Variants in RAF1 observed in about 807,000 individuals in gnomAD.
The protein encoded by RAF1 is RAF proto-oncogene serine/threonine-protein kinase.
Under a neutral mutation model 81.1 loss-of-function variants are expected in RAF1, and 27 were observed. That is an observed-to-expected ratio of 0.33 (90% confidence interval 0.25 to 0.46). RAF1 has a LOEUF of 0.46. RAF1 is among the 20% of genes least tolerant of loss of function. The probability of loss-of-function intolerance (pLI) is 1.00; values close to 1 mark genes in which losing one functional copy is unlikely to be tolerated. For synonymous variants in RAF1, 298 were observed against 294.0 expected, an observed-to-expected ratio of 1.01 and a Z score of -0.14; for missense variants, 598 against 826.0, an observed-to-expected ratio of 0.72 and a Z score of 3.38.
chr3:12,656,332 G>C (rs2060693436), intron 1 of RAF1, among the ~76,000 whole-genome samples: 1 of 152,070 alleles, frequency 6.6e-6, no homozygotes, highest in South Asian at 2.1e-4. Flanking sequence ...GAGCTGAAGA[G>C]TCAGTGTCCT....
At chr3:12,590,706 T>C in intron 13 of RAF1, 92 bp downstream of exon 12, 2 of 1,384,054 alleles carry the variant, frequency 1.4e-6, no homozygotes, top group Non-Finnish European at 2.0e-6. Flanking sequence ...CAGAATCGCT[T>C]AATGGACTAG....
intron 13 of RAF1, 186 bp downstream of exon 12, chr3:12,590,612 C>CA: frequency 1.5e-6 from 1 of 681,304 alleles, no homozygotes; most frequent in Non-Finnish European, 2.5e-6. Flanking sequence ...AGGTGTGAGC[C>CA]ACCCCACCCA....
intron 1 of RAF1, among the ~76,000 whole-genome samples, chr3:12,648,001 TTC>T (rs141785823): frequency 0.019 from 2,844 of 152,260 alleles, 87 homozygotes; most frequent in African/African-American, 0.065. Context: ...AACAAATCAG[TTC>T]CACAAATGAT....
chr3:12,597,340 AC>A (rs879756912), intron 11 of RAF1, among the ~76,000 whole-genome samples: 25 of 152,240 alleles, frequency 1.6e-4, no homozygotes, highest in Non-Finnish European at 3.2e-4. Flanking sequence ...AGTACCACGT[AC>A]CAATGCCTTG....
At chr3:12,653,239 G>A (rs1267427226) in intron 1 of RAF1, among the ~76,000 whole-genome samples, 1 of 152,044 alleles carries the variant, frequency 6.6e-6, no homozygotes, top group Admixed American at 6.6e-5. Flanking sequence ...CTGAGATCTT[G>A]CTACTGCACT....
intron 1 of RAF1, among the ~76,000 whole-genome samples, chr3:12,646,832 AG>A (rs1285136880): frequency 6.6e-6 from 1 of 151,724 alleles, no homozygotes; most frequent in Non-Finnish European, 1.5e-5. Context: ...TACAGGTGTG[AG>A]CCACCACGCC....
At chr3:12,641,043 A>G (rs1273727098) in intron 1 of RAF1, among the ~76,000 whole-genome samples, 1 of 152,028 alleles carries the variant, frequency 6.6e-6, no homozygotes, top group Non-Finnish European at 1.5e-5. Context: ...ATAAAAAAGG[A>G]TGAGTTCGTG....
chr3:12,630,247 T>C (rs1182468939), intron 1 of RAF1, among the ~76,000 whole-genome samples: 1 of 152,206 alleles, frequency 6.6e-6, no homozygotes, highest in Non-Finnish European at 1.5e-5. Context: ...CTCCACCTTT[T>C]ATTAGCTGTA....
At chr3:12,589,617 T>A (rs1293617405) in intron 13 of RAF1, 1 of 151,982 alleles carries the variant, frequency 6.6e-6, no homozygotes, top group Non-Finnish European at 1.5e-5. Context: ...ACACGAAAAT[T>A]AGCTGGGCAC....
At chr3:12,600,085 TCTAA>T in intron 10 of RAF1, 63 bp downstream of exon 9, 1 of 1,598,474 alleles carries the variant, frequency 6.3e-7, no homozygotes. Flanking sequence ...GTTTAAGTAT[TCTAA>T]TTTCCAACGA....
At chr3:12,635,830 A>G (rs113558012) in intron 1 of RAF1, among the ~76,000 whole-genome samples, 1,573 of 151,018 alleles carry the variant, frequency 0.01, 21 homozygotes, top group African/African-American at 0.036. Context: ...AAAATTAGCC[A>G]GGCGTGGTGG....
At chr3:12,656,004 T>C (rs2060678794) in intron 1 of RAF1, among the ~76,000 whole-genome samples, 1 of 151,140 alleles carries the variant, frequency 6.6e-6, no homozygotes, top group African/African-American at 2.4e-5. Flanking sequence ...GTGGCGATGG[T>C]TTTAAGACAT....
intron 1 of RAF1, among the ~76,000 whole-genome samples, chr3:12,631,387 A>T (rs2059854742): frequency 1.3e-5 from 2 of 152,178 alleles, no homozygotes; most frequent in Admixed American, 6.5e-5. Context: ...TCAAGAGGTC[A>T]GGAGATCAAG....
chr3:12,640,383 T>C (rs2060148704), intron 1 of RAF1, among the ~76,000 whole-genome samples: 1 of 152,060 alleles, frequency 6.6e-6, no homozygotes, highest in Non-Finnish European at 1.5e-5. Flanking sequence ...CTAATTAAAC[T>C]AAAGAGCTTC....
In RAF1 at chr3:12,663,852, G is replaced by T. The variant is rs2060964341; in HGVS notation, c.-66C>A. 1 of 397,882 alleles carries T rather than the reference G, an allele frequency of 2.5e-6. No homozygotes were observed. The highest frequency in any genetic ancestry group is 4.4e-6 in the Non-Finnish European group (1 of 225,596). 24.6% of individuals were successfully genotyped at this position (397,882 alleles called of 1,614,324 possible). ...CCGCCCCAACGTCCTGTCGTTCGGCGGCAGCTTCTCGCCCGCTCCTCCTCC... is the reference window on the plus strand; with the variant it reads ...CCGCCCCAACGTCCTGTCGTTCGGCTGCAGCTTCTCGCCCGCTCCTCCTCC... On this transcript the variant is annotated 5_prime_UTR_variant, in exon 1 of 18. Coordinates refer to ENST00000442415, the MANE Select transcript of RAF1 (RefSeq NM_001354689.3).
chr3:12,620,331 G>A (rs147262315), intron 1 of RAF1, among the ~76,000 whole-genome samples: 2,919 of 152,092 alleles, frequency 0.019, 95 homozygotes, highest in African/African-American at 0.066. Flanking sequence ...GATGGGGTTG[G>A]CCATGTTGGC....
Position 12,599,802 on chromosome 3 carries a change from G to A in RAF1, c.1057C>T (p.Arg353Cys), listed in dbSNP as rs551466727. Residue 353 changes from arginine (R) to cysteine (C), a missense_variant, in exon 11 of 18, where the codon CGT (arginine) becomes TGT (cysteine). Physicochemically the swap from Arg to Cys is radical, Grantham distance 180. This residue lies in a region of RAF1 where 194 missense variants were observed against 202.7 expected (regional missense o/e 0.96). Coordinates refer to ENST00000442415, the MANE Select transcript of RAF1 (RefSeq NM_001354689.3). Reference sequence around the variant, plus strand: ...TAATAGCTTGAATCTCTCTGTCCACGAGGCCTCTGAAACAAGTAGAGATCA... The same window carrying A: ...TAATAGCTTGAATCTCTCTGTCCACAAGGCCTCTGAAACAAGTAGAGATCA... The A allele has an allele frequency of 2.0e-5, 32 of 1,612,302 alleles. No homozygotes were observed. The highest frequency in any genetic ancestry group is 1.1e-4 in the East Asian group (5 of 44,876).
At chr3:12,609,376 A>G (rs756760615) in intron 3 of RAF1, 41 bp from the exon 4 acceptor site, 3 of 1,351,468 alleles carry the variant, frequency 2.2e-6, no homozygotes, top group South Asian at 2.3e-5. Flanking sequence ...TTTAAACAAG[A>G]TCAAAGTTCA....
chr3:12,617,560 T>G (rs944805830), intron 2 of RAF1, among the ~76,000 whole-genome samples: 1 of 152,074 alleles, frequency 6.6e-6, no homozygotes, highest in Non-Finnish European at 1.5e-5. Flanking sequence ...GCCAGAAAAC[T>G]TTTTGAGAGC....
Sources: allele counts gnomAD v4.1 joint callset (sites outside exome capture counted in the v4.1 genomes callset), GRCh38; gene constraint gnomAD v4.1.1; regional missense constraint gnomAD v4.1.1; transcripts MANE v1.5; gene names NCBI Gene and HGNC (gene_info 2026-07-23, HGNC 2026-07-21).